HAUS7: variants seen among roughly 807,000 people sequenced by gnomAD.
HAUS7 encodes HAUS augmin like complex subunit 7.
In HAUS7, 3 loss-of-function variants were observed where a neutral mutation model predicts 28.4. The observed-to-expected ratio is 0.11, with a 90% confidence interval of 0.05 to 0.27. HAUS7 has a LOEUF of 0.27. HAUS7 is among the 10% of genes least tolerant of loss of function. HAUS7 has a pLI of 1.00. For synonymous variants in HAUS7, 165 were observed against 132.1 expected, an observed-to-expected ratio of 1.25 and a Z score of -1.71; for missense variants, 284 against 297.3, an observed-to-expected ratio of 0.96 and a Z score of 0.33.
intron 4 of HAUS7, among the ~76,000 whole-genome samples, chrX:153,457,637 T>C (rs933192032): frequency 5.3e-5 from 6 of 113,050 alleles, no homozygotes; most frequent in Non-Finnish European, 1.1e-4. Flanking sequence ...TGGGAACAGA[T>C]GAAGCCGACA....
rs1677710891 is a variant in HAUS7 at position 153,470,572 on chromosome X, G to A, written c.-15C>T. 1 of 1,203,453 alleles carries A rather than the reference G, an allele frequency of 8.3e-7. No homozygotes were observed. The highest frequency in any genetic ancestry group is 2.2e-5 in the Admixed American group (1 of 45,793). On this transcript the variant is annotated 5_prime_UTR_variant, in exon 1 of 10. Transcript: ENST00000370211. ...TGCCCCGCCATGTTTCGCGCTCCGA[G>A]CCGCGCCCCGCCCATGCCCTGGCTT... is the stretch of plus-strand genomic sequence containing the variant.
chrX:153,494,186 C>A (rs2089689992), intron 1 of HAUS7, among the ~76,000 whole-genome samples: 1 of 111,912 alleles, frequency 8.9e-6, no homozygotes, highest in South Asian at 3.8e-4. Context: ...ACCCGGTTAG[C>A]CCCCGTAAGT....
chrX:153,470,728 C>A (rs973648117), upstream of HAUS7: 6 of 694,433 alleles, frequency 8.6e-6, no homozygotes, highest in East Asian at 3.6e-5. Context: ...CTCCCACCCC[C>A]CGCCCCGGCA....
chrX:153,456,058 C>T (rs782092934), intron 7 of HAUS7, among the ~76,000 whole-genome samples: 1 of 112,551 alleles, frequency 8.9e-6, no homozygotes, highest in South Asian at 3.7e-4. Flanking sequence ...TGTGCTCAGG[C>T]GTGGGCACCA....
intron 1 of HAUS7, chrX:153,487,140 G>A (rs2089644067): frequency 4.6e-6 from 1 of 216,039 alleles, no homozygotes; most frequent in African/African-American, 3.0e-5. Context: ...TCAGCAAAGA[G>A]ATTCAGAGGG....
intron 1 of HAUS7, among the ~76,000 whole-genome samples, 162 bp downstream of exon 1, chrX:153,470,288 G>T (rs1371928438): frequency 1.8e-5 from 2 of 113,566 alleles, no homozygotes; most frequent in Non-Finnish European, 3.7e-5. Context: ...GGGCAAAGAT[G>T]AATGATCCAC....
rs1556980287 is a variant in HAUS7 at position 153,447,796 on chromosome X, A to G, written c.*82T>C. On this transcript the variant is annotated 3_prime_UTR_variant, in exon 10 of 10. Transcript: ENST00000370211. ...ACGGCTTCTGCTGCCACAATCATCC[A>G]TCCTCGGCCAACTCGATCTTGGGAG... 4 of 811,656 alleles carry G rather than the reference A, an allele frequency of 4.9e-6. No homozygotes were observed. The highest frequency in any genetic ancestry group is 4.1e-5 in the South Asian group (2 of 49,290). 66.9% of individuals were successfully genotyped at this position (811,656 alleles called of 1,213,427 possible).
At chrX:153,481,769 G>A (rs1041306813) in intron 1 of HAUS7, 20 of 727,286 alleles carry the variant, frequency 2.7e-5, no homozygotes, top group East Asian at 3.1e-4. Flanking sequence ...GAGTGGCAGC[G>A]GGCAGGGGGC....
chrX:153,481,349 C>G (rs2089598613), intron 1 of HAUS7: 1 of 748,397 alleles, frequency 1.3e-6, no homozygotes, highest in Non-Finnish European at 1.6e-6. Flanking sequence ...GGGGCTGTCT[C>G]TCTTCCTCCA....
At position 153,491,794 on chromosome X, in the gene HAUS7, G is replaced by A. The variant is rs782508448; in HGVS notation, c.-589+3580C>T. Among the ~76,000 whole-genome samples the A allele has an allele frequency of 4.6e-4, 52 of 113,286 alleles. 1 individual carries two copies. Among genetic ancestry groups the A allele is most frequent in the African/African-American group, 1.5e-3 (48 of 31,306 alleles). ...CCCTCCCCACGCAGCTGAGGGGGTT[G>A]GGCTCCTTGTCAGGTGGAGAGAGCT... On this transcript the variant is annotated intron_variant, in intron 1 of 5. Coordinates refer to the HAUS7 transcript ENST00000370210.
At chrX:153,471,445 T>C (rs2089523316), upstream of HAUS7, among the ~76,000 whole-genome samples, 2 of 112,556 alleles carry the variant, frequency 1.8e-5, no homozygotes, top group South Asian at 7.3e-4. Flanking sequence ...CAAATTTTTC[T>C]ACATCCCTCA....
At chrX:153,465,831 T>A (rs782426077) in intron 2 of HAUS7, among the ~76,000 whole-genome samples, 1 of 112,220 alleles carries the variant, frequency 8.9e-6, no homozygotes, top group Admixed American at 9.4e-5. Context: ...CCAAGCCCCA[T>A]GCCTCAAGCC....
At chrX:153,486,247 G>A (rs781951975) in intron 1 of HAUS7, among the ~76,000 whole-genome samples, 8 of 112,874 alleles carry the variant, frequency 7.1e-5, no homozygotes, top group African/African-American at 1.6e-4. Context: ...CCCACAGGCC[G>A]CAGAGGCCGA....
intron 1 of HAUS7, chrX:153,485,836 C>T: frequency 1.1e-6 from 1 of 904,854 alleles, no homozygotes; most frequent in Non-Finnish European, 1.4e-6. Context: ...TGCCGCGGGG[C>T]CTGAGGCGCC....
chrX:153,475,932 G>A (rs1556986188), intron 1 of HAUS7, among the ~76,000 whole-genome samples: 1 of 112,277 alleles, frequency 8.9e-6, no homozygotes, highest in Admixed American at 9.3e-5. Flanking sequence ...CCCTTGGCCA[G>A]CCACTATCAC....
At chrX:153,461,886 C>G (rs1416937526) in intron 4 of HAUS7, 2 of 339,090 alleles carry the variant, frequency 5.9e-6, no homozygotes, top group East Asian at 4.7e-5. Flanking sequence ...CCACTCCCAG[C>G]TATACACCCA....
At chrX:153,454,365 G>A in intron 9 of HAUS7, 29 bp downstream of exon 9, 4 of 874,589 alleles carry the variant, frequency 4.6e-6, no homozygotes, top group Non-Finnish European at 5.1e-6. Context: ...GGCAGCCCCA[G>A]GCAGAGGGCC....
intron 9 of HAUS7, among the ~76,000 whole-genome samples, chrX:153,451,330 A>G (rs1319761200): frequency 2.7e-5 from 3 of 112,929 alleles, no homozygotes; most frequent in Non-Finnish European, 5.6e-5. Flanking sequence ...GAATGATGGC[A>G]TAGATTATAA....
At chrX:153,466,617 A>G (rs1556984321) in intron 2 of HAUS7, among the ~76,000 whole-genome samples, 1 of 112,340 alleles carries the variant, frequency 8.9e-6, no homozygotes, top group Non-Finnish European at 1.9e-5. Context: ...GGAAATTCAC[A>G]GGAAAACTCC....
Sources: allele counts gnomAD v4.1 joint callset (sites outside exome capture counted in the v4.1 genomes callset), GRCh38; gene constraint gnomAD v4.1.1; transcripts MANE v1.5; gene names NCBI Gene and HGNC (gene_info 2026-07-23, HGNC 2026-07-21).